Variants in NFX1 observed in about 807,000 individuals in gnomAD.
NFX1 encodes the protein nuclear transcription factor, X-box binding 1, also known as transcriptional repressor NF-X1.
Under a neutral mutation model 137.2 loss-of-function variants are expected in NFX1, and 69 were observed. The ratio of observed to expected loss-of-function variants is 0.50; its 90% CI spans 0.41 to 0.61. NFX1 has a LOEUF of 0.61. Ranked by LOEUF, NFX1 falls within the 20% of genes least tolerant of loss-of-function variation. The pLI is 0.00. For missense variants in NFX1, 1,167 were observed against 1,391.0 expected (o/e 0.84, Z 2.56); for synonymous variants, 495 against 474.1 (o/e 1.04, Z -0.57).
chr9:33,353,643 G>A (rs959730449), intron 17 of NFX1, among the ~76,000 whole-genome samples: 7 of 151,608 alleles, frequency 4.6e-5, no homozygotes, highest in African/African-American at 1.2e-4. Context: ...CATAGTAGCC[G>A]GGCTTCCAAG....
At chr9:33,364,188 C>T (rs1587882205) in intron 20 of NFX1, 80 bp downstream of exon 20, 1 of 900,446 alleles carries the variant, frequency 1.1e-6, no homozygotes, top group East Asian at 2.6e-5. Flanking sequence ...CTAATATGTA[C>T]TCCTCCTGTG....
intron 11 of NFX1, among the ~76,000 whole-genome samples, chr9:33,338,285 G>T (rs1420336915): frequency 6.6e-6 from 1 of 151,526 alleles, no homozygotes; most frequent in Admixed American, 6.6e-5. Context: ...AACCTGAGAG[G>T]TGGATGTTGC....
In NFX1 at chr9:33,290,588, C is replaced by A. The variant is rs778619591; in HGVS notation, c.16C>A (p.Pro6Thr). 3.2e-5 allele frequency: 51 copies of A among 1,613,798 alleles called. No individual in the cohort carries two copies. Among genetic ancestry groups the A allele is most frequent in the Non-Finnish European group, 4.0e-5 (47 of 1,179,982 alleles). Residue 6 changes from proline (P) to threonine (T), a missense_variant, in exon 1 of 24, where the codon CCT (proline) becomes ACT (threonine). Physicochemically the swap from Pro to Thr is conservative, Grantham distance 38 (BLOSUM62 -1). Coordinates refer to ENST00000379540, the MANE Select transcript of NFX1 (RefSeq NM_002504.6). ...GCGGCACGGGATGGCGGAGGCGCCTCCTGTCTCAGGTATTGTCCCGGCCCG... is the reference window on the plus strand; with the variant it reads ...GCGGCACGGGATGGCGGAGGCGCCTACTGTCTCAGGTATTGTCCCGGCCCG... Reference protein sequence around the residue: MAEAPPVSGTFKFNTD... With the variant: MAEAPTVSGTFKFNTD...
At chr9:33,329,155 C>T (rs1314634871) in intron 10 of NFX1, among the ~76,000 whole-genome samples, 2 of 152,118 alleles carry the variant, frequency 1.3e-5, no homozygotes, top group East Asian at 3.8e-4. Flanking sequence ...AGGACAGAGT[C>T]CAAAAAAATA....
chr9:33,321,367 C>T (rs1036687742), intron 9 of NFX1, among the ~76,000 whole-genome samples: 7 of 152,082 alleles, frequency 4.6e-5, no homozygotes, highest in South Asian at 2.1e-4. Context: ...GTGTGGCTAG[C>T]GATAACAATG....
chr9:33,305,015 A>C (rs1821701798), intron 4 of NFX1, among the ~76,000 whole-genome samples: 1 of 152,258 alleles, frequency 6.6e-6, no homozygotes, highest in Admixed American at 6.5e-5. Flanking sequence ...GTGAGAATGC[A>C]CATAAAGGCC....
chr9:33,341,136 T>C (rs1823204314), intron 12 of NFX1, among the ~76,000 whole-genome samples: 1 of 152,218 alleles, frequency 6.6e-6, no homozygotes, highest in Non-Finnish European at 1.5e-5. Context: ...GATAGAGACA[T>C]ATCCAAGACT....
In NFX1 at chr9:33,294,477, C is replaced by T; in HGVS notation, c.83C>T (p.Ser28Phe). Residue 28 changes from serine (S) to phenylalanine (F), a missense_variant, in exon 2 of 24, where the codon TCT becomes TTT. Around this residue, in one of 3 missense-constraint regions of NFX1, gnomAD observed 367 missense variants for 386.7 expected, o/e 0.95. Coordinates refer to ENST00000379540, the MANE Select transcript of NFX1 (RefSeq NM_002504.6). Reference protein sequence around the residue: ...AEFIPQEKKNSGLNCGTQRRL... With the variant: ...AEFIPQEKKNFGLNCGTQRRL... The stretch of plus-strand genomic sequence containing the variant: ...TTCATTCCTCAGGAGAAAAAAAATT[C>T]TGGTCTAAATTGTGGGACTCAAAGG... The T allele has an allele frequency of 6.2e-7, 1 of 1,604,406 alleles. No homozygotes were observed. Among genetic ancestry groups the T allele is most frequent in the South Asian group, 1.1e-5 (1 of 89,910 alleles).
At chr9:33,297,404 G>C (rs1821395885) in intron 2 of NFX1, among the ~76,000 whole-genome samples, 1 of 152,208 alleles carries the variant, frequency 6.6e-6, no homozygotes, top group Admixed American at 6.5e-5. Flanking sequence ...TGTTATACCA[G>C]AGTTGTTACT....
intron 16 of NFX1, 75 bp from the exon 17 acceptor site, chr9:33,352,571 G>T: frequency 7.9e-7 from 1 of 1,271,590 alleles, no homozygotes. Context: ...TTTAAGAGAG[G>T]ATTTAAGAGT....
chr9:33,315,760 CA>C (rs1311707134), intron 7 of NFX1, among the ~76,000 whole-genome samples: 1 of 151,256 alleles, frequency 6.6e-6, no homozygotes, highest in Non-Finnish European at 1.5e-5. Context: ...GACATGGTGG[CA>C]TGTATCTGTA....
chr9:33,336,131 T>C (rs1822992991), intron 11 of NFX1, among the ~76,000 whole-genome samples: 1 of 152,232 alleles, frequency 6.6e-6, no homozygotes, highest in Non-Finnish European at 1.5e-5. Flanking sequence ...CCACAGTGGC[T>C]ACACCATTTT....
rs1821638040 is a variant in NFX1 at position 33,303,255 on chromosome 9, C to T, written c.1257C>T (p.Tyr419=). 1 of 1,613,972 alleles carries T rather than the reference C, an allele frequency of 6.2e-7. No homozygotes were observed. Among genetic ancestry groups the T allele is most frequent in the South Asian group, 1.1e-5 (1 of 91,086 alleles). ...TTTCTGCACATGTTCCTAATACCTACACTTGTTTCTGTGGTAAGTTTGTTT... is the reference window on the plus strand; with the variant it reads ...TTTCTGCACATGTTCCTAATACCTATACTTGTTTCTGTGGTAAGTTTGTTT... The part of the protein sequence containing the change: ...QNVSAHVPNT[Y]TCFCGKVKNP... Residue 419 remains tyrosine, a synonymous_variant, in exon 4 of 24, where the codon TAC becomes TAT. Coordinates refer to ENST00000379540, the MANE Select transcript of NFX1 (RefSeq NM_002504.6).
chr9:33,315,225 CAAAA>C (rs60137205), intron 7 of NFX1, among the ~76,000 whole-genome samples: 7 of 90,790 alleles, frequency 7.7e-5, no homozygotes, highest in Non-Finnish European at 1.2e-4. Context: ...AACTCTGTCT[CAAAA>C]AAAAAAAAAA....
chr9:33,364,952 C>T, intron 21 of NFX1, 178 bp downstream of exon 21: 1 of 1,420,526 alleles, frequency 7.0e-7, no homozygotes, highest in Non-Finnish European at 9.2e-7. Context: ...GGAAGCCTGT[C>T]CTGGTTCAGG....
chr9:33,367,620 G>A lies in NFX1; in HGVS notation c.3290+1G>A, dbSNP rs770699534. On this transcript the variant is annotated splice_donor_variant, in intron 23 of 23. Coordinates refer to ENST00000379540, the MANE Select transcript of NFX1 (RefSeq NM_002504.6). LOFTEE classifies it high-confidence loss of function. ...CTCATCACAGACATCAGTCAGACAA[G>A]TAAGATTCTCCAGCTGCTTTCCAAG... 3 of 1,613,430 alleles carry A rather than the reference G, an allele frequency of 1.9e-6. No homozygotes were observed. Among genetic ancestry groups the A allele is most frequent in the Non-Finnish European group, 2.5e-6 (3 of 1,179,532 alleles).
chr9:33,320,087 G>T (rs920154923), intron 9 of NFX1, among the ~76,000 whole-genome samples: 1 of 150,816 alleles, frequency 6.6e-6, no homozygotes, highest in African/African-American at 2.4e-5. Flanking sequence ...TTGGCCTCCC[G>T]AGTAGCTGGG....
intron 16 of NFX1, chr9:33,352,442 G>A: frequency 1.5e-6 from 1 of 671,856 alleles, no homozygotes; most frequent in Non-Finnish European, 2.7e-6. Context: ...CCAAAAGGGG[G>A]CATTGTGGAC....
chr9:33,327,134 A>G (rs974727620), intron 9 of NFX1, among the ~76,000 whole-genome samples: 2 of 152,230 alleles, frequency 1.3e-5, no homozygotes, highest in African/African-American at 4.8e-5. Context: ...AAATCCAGCT[A>G]TAACAGTAAC....
Sources: gnomAD v4.1 joint callset for allele counts (sites outside exome capture counted in the v4.1 genomes callset) on GRCh38, gnomAD v4.1.1 for gene constraint, gnomAD v4.1.1 regional missense constraint, MANE v1.5 for transcripts, NCBI Gene and HGNC (gene_info 2026-07-23, HGNC 2026-07-21) for gene names.